The following TG variants were observed in gnomAD, a reference collection of about 807,000 sequenced individuals.
TG encodes thyroid hormones.
Under a neutral mutation model 324.7 loss-of-function variants are expected in TG, and 270 were observed. That is an observed-to-expected ratio of 0.83 (90% CI 0.75 to 0.92). The LOEUF (loss-of-function observed/expected upper bound fraction) is 0.92, where lower values mean the gene tolerates loss of function less well. Among genes scored for constraint, TG ranks in the 40% least tolerant of loss-of-function variants. The pLI is 0.00. For missense variants in TG, 3,591 were observed against 3,456.4 expected (o/e 1.04, Z -0.98); for synonymous variants, 1,401 against 1,327.0 (o/e 1.06, Z -1.21).
At chr8:132,945,693 A>G (rs1215837353) in intron 26 of TG, among the ~76,000 whole-genome samples, 1 of 152,168 alleles carries the variant, frequency 6.6e-6, no homozygotes, top group East Asian at 1.9e-4. Flanking sequence ...ATGAACAGCT[A>G]CATAACAGGT....
rs1815483755 is a variant in TG, at chr8:132,886,763, C to A, written c.1391C>A (p.Pro464Gln). 1 of 1,614,076 alleles carries A rather than the reference C, an allele frequency of 6.2e-7. No homozygotes were observed. Among genetic ancestry groups the A allele is most frequent in the Non-Finnish European group, 8.5e-7 (1 of 1,180,048 alleles). ...CTTGCCCTTCAGTTTACCACCAACCCAAAGAGACTCCAGCAAAACCTTTTT... is the reference window on the plus strand; with the variant it reads ...CTTGCCCTTCAGTTTACCACCAACCAAAAGAGACTCCAGCAAAACCTTTTT... ...ARLALQFTTN[P>Q]KRLQQNLFGG... The change falls in exon 9 of 48, where the codon CCA (proline) becomes CAA (glutamine). Residue 464 changes from proline to glutamine, a missense_variant. By Grantham distance (76) the Pro-to-Gln change is moderately conservative (BLOSUM62 -1). Transcript: ENST00000220616.
At chr8:133,085,174 G>A (rs117588465) in intron 41 of TG, among the ~76,000 whole-genome samples, 1 of 152,236 alleles carries the variant, frequency 6.6e-6, no homozygotes, top group Non-Finnish European at 1.5e-5. Flanking sequence ...AATATACCAA[G>A]GTATAATCTC....
chr8:132,965,695 C>A (rs141014630), intron 29 of TG, among the ~76,000 whole-genome samples: 14 of 152,266 alleles, frequency 9.2e-5, no homozygotes, highest in African/African-American at 3.4e-4. Context: ...CAAAGCTGAT[C>A]CTCAAAGCAC....
At chr8:132,997,304 T>C (rs1272653398) in intron 35 of TG, among the ~76,000 whole-genome samples, 1 of 152,140 alleles carries the variant, frequency 6.6e-6, no homozygotes, top group African/African-American at 2.4e-5. Context: ...TGTTCAGTTT[T>C]CAACATCCTG....
chr8:132,896,537 C>T (rs951570993), intron 11 of TG, among the ~76,000 whole-genome samples: 1 of 152,152 alleles, frequency 6.6e-6, no homozygotes, highest in African/African-American at 2.4e-5. Flanking sequence ...CCCAACCTGC[C>T]CCAAGTGCCA....
chr8:132,920,448 C>G (rs1820946440), intron 21 of TG, among the ~76,000 whole-genome samples: 1 of 152,172 alleles, frequency 6.6e-6, no homozygotes, highest in Non-Finnish European at 1.5e-5. Context: ...AACAGTAATT[C>G]CAATAAAATA....
chr8:133,125,523 C>T (rs573874213), intron 45 of TG, among the ~76,000 whole-genome samples: 7 of 152,288 alleles, frequency 4.6e-5, no homozygotes, highest in South Asian at 2.1e-4. Flanking sequence ...AATGCTGCTT[C>T]GTGTATTAAG....
intron 41 of TG, among the ~76,000 whole-genome samples, chr8:133,080,326 TCA>T (rs1845561258): frequency 6.6e-6 from 1 of 152,176 alleles, no homozygotes; most frequent in African/African-American, 2.4e-5. Flanking sequence ...TATCTAGACT[TCA>T]CCTGAAGAAA....
intron 3 of TG, 140 bp downstream of exon 3, chr8:132,869,966 C>T (rs1413914233): frequency 7.2e-6 from 5 of 694,608 alleles, no homozygotes; most frequent in African/African-American, 3.5e-5. Flanking sequence ...TAAGAATCAT[C>T]CCTGCAAGCC....
At chr8:133,018,020 C>A in intron 38 of TG, 23 bp downstream of exon 38, 1 of 1,607,630 alleles carries the variant, frequency 6.2e-7, no homozygotes, top group Non-Finnish European at 8.5e-7. Context: ...TGGAGCACAT[C>A]TTGGTAAATG....
chr8:132,985,683 C>G (rs1469040147), intron 35 of TG, among the ~76,000 whole-genome samples: 1 of 152,108 alleles, frequency 6.6e-6, no homozygotes, highest in Non-Finnish European at 1.5e-5. Context: ...CCTGCTGTAC[C>G]CCTGCCCTCT....
chr8:133,088,271 C>T (rs1213219466), intron 41 of TG, among the ~76,000 whole-genome samples: 3 of 152,156 alleles, frequency 2.0e-5, no homozygotes, highest in Admixed American at 1.3e-4. Flanking sequence ...TCCTCCTCCT[C>T]CTCCTCCTCT....
intron 24 of TG, among the ~76,000 whole-genome samples, chr8:132,934,984 C>T (rs1270332749): frequency 6.6e-6 from 1 of 152,100 alleles, no homozygotes; most frequent in Non-Finnish European, 1.5e-5. Context: ...CAGCCTCTCT[C>T]TCCTCTCCCG....
intron 1 of TG, among the ~76,000 whole-genome samples, chr8:132,867,502 C>A (rs56180949): frequency 6.8e-6 from 1 of 147,980 alleles, no homozygotes; most frequent in African/African-American, 2.5e-5. Flanking sequence ...CATATGACTT[C>A]GGGCAAAGTG....
At chr8:133,077,753 GTGTGTGTGTGTGTTTGTA>G in intron 41 of TG, among the ~76,000 whole-genome samples, 1 of 151,512 alleles carries the variant, frequency 6.6e-6, no homozygotes, top group East Asian at 1.9e-4. Context: ...GTGTGTGTGT[GTGTGTGTGTGTGTTTGTA>G]TGTGTGTGTG....
chr8:133,081,335 G>A lies in TG; in HGVS notation c.7240-13709G>A, dbSNP rs554189885. ...TGAAGGTTGTGCCTTTTGAATTAAA[G>A]TAAATAAATTGTGAATGGTGACTTT... On this transcript the variant is annotated intron_variant, in intron 41 of 47. Coordinates refer to ENST00000220616, the MANE Select transcript of TG (RefSeq NM_003235.5). Among the ~76,000 whole-genome samples the A allele has an allele frequency of 2.0e-5, 3 of 152,362 alleles. No homozygotes were observed. The South Asian group carries it at 6.2e-4, about 32-fold the overall frequency.
At chr8:133,079,051 C>T (rs924581895) in intron 41 of TG, among the ~76,000 whole-genome samples, 12 of 152,170 alleles carry the variant, frequency 7.9e-5, no homozygotes, top group Admixed American at 3.9e-4. Flanking sequence ...AGATTCCATC[C>T]CAGCAGCTTG....
chr8:133,069,218 G>A (rs2131406541), intron 41 of TG, among the ~76,000 whole-genome samples: 1 of 152,358 alleles, frequency 6.6e-6, no homozygotes, highest in Non-Finnish European at 1.5e-5. Flanking sequence ...TTTCTTTATT[G>A]CATCGTATTT....
In TG at chr8:132,963,088, A is replaced by C; in HGVS notation, c.5548+14A>C. On this transcript the variant is annotated intron_variant, in intron 29 of 47. Coordinates refer to ENST00000220616, the MANE Select transcript of TG (RefSeq NM_003235.5). ...CAACAGAAGCAGGTACTGACCCCCAAACCTTCTTACACACTTGGGTGTCTG... is the reference window on the plus strand; with the variant it reads ...CAACAGAAGCAGGTACTGACCCCCACACCTTCTTACACACTTGGGTGTCTG... 6.2e-7 allele frequency: 1 copy of C among 1,613,642 alleles called. No homozygotes were observed.
Sources: allele counts gnomAD v4.1 joint callset (sites outside exome capture counted in the v4.1 genomes callset), GRCh38; gene constraint gnomAD v4.1.1; transcripts MANE v1.5; gene names NCBI Gene and HGNC (gene_info 2026-07-23, HGNC 2026-07-21).